ACTR3: variants seen among roughly 807,000 people sequenced by gnomAD.
ACTR3 encodes actin-related protein 3.
In ACTR3, 12 loss-of-function variants were observed where a neutral mutation model predicts 56.8. That is an observed-to-expected ratio of 0.21 (90% CI 0.14 to 0.34). The LOEUF is 0.34. Among genes scored for constraint, ACTR3 ranks in the 10% least tolerant of loss-of-function variants. ACTR3 has a pLI of 1.00. For synonymous variants in ACTR3, 162 were observed against 167.4 expected (o/e 0.97, Z 0.25); for missense variants, 282 against 512.5 (o/e 0.55, Z 4.34).
At position 113,959,704 on chromosome 2, in the gene ACTR3, A is replaced by C. The variant is rs1329000765; in HGVS notation, c.*2249A>C. 2 of 151,954 alleles carry C rather than the reference A, an allele frequency of 1.3e-5. No individual in the cohort carries two copies. The highest frequency in any genetic ancestry group is 2.9e-5 in the Non-Finnish European group (2 of 67,896). 9.4% of individuals were successfully genotyped at this position (151,954 alleles called of 1,614,324 possible). A position where few individuals can be genotyped will look rare whatever the true frequency, so the allele number is the denominator to read the frequency against. On this transcript the variant is annotated 3_prime_UTR_variant, in exon 12 of 12. Coordinates refer to ENST00000263238, the MANE Select transcript of ACTR3 (RefSeq NM_005721.5). ...CTCTGTGATTGTATACCGTTTTTTC[A>C]ACTTAAAGCAACTTCAGCTGGAAAT... is the stretch of plus-strand genomic sequence containing the variant.
intron 10 of ACTR3, chr2:113,952,960 A>C (rs1053664906): frequency 2.6e-5 from 4 of 152,152 alleles, no homozygotes; most frequent in East Asian, 1.9e-4. Flanking sequence ...TGCAAGTATA[A>C]ATTCTCTGTA....
intron 10 of ACTR3, chr2:113,952,054 T>C: frequency 1.6e-6 from 1 of 636,290 alleles, no homozygotes; most frequent in Non-Finnish European, 2.5e-6. Flanking sequence ...GGAAAATAAT[T>C]CTTAGTAATA....
At chr2:113,895,859 T>C (rs1048356314) in intron 1 of ACTR3, among the ~76,000 whole-genome samples, 5 of 152,166 alleles carry the variant, frequency 3.3e-5, no homozygotes, top group Non-Finnish European at 1.5e-5. Context: ...GTATACCTTA[T>C]AGGTTTTTTT....
chr2:113,955,643 A>C lies in ACTR3; in HGVS notation c.1098A>C (p.Gln366His). The C allele has an allele frequency of 6.2e-7, 1 of 1,613,194 alleles. No individual in the cohort carries two copies. The change falls in exon 11 of 12, where the codon CAA (glutamine) becomes CAC (histidine). Residue 366 changes from glutamine (Q) to histidine (H), a missense_variant. Physicochemically the swap from Gln to His is conservative, Grantham distance 24. Transcript: ENST00000263238. ...GRLKPKPIDV[Q>H]VITHHMQRYA... ...TTTAGCCAAAACCTATTGATGTACA[A>C]GTCATTACACACCACATGCAGCGAT...
rs112232943 is a variant in ACTR3, at chr2:113,939,273, C to T, written c.541-686C>T. On this transcript the variant is annotated intron_variant, in intron 6 of 11. Coordinates refer to ENST00000263238, the MANE Select transcript of ACTR3 (RefSeq NM_005721.5). Reference sequence around the variant, plus strand: ...TCCTGACCTCGTGATCCGCCCGTCTCGGCCTCCCAAAGTGCTGGGATTACA... The same window carrying T: ...TCCTGACCTCGTGATCCGCCCGTCTTGGCCTCCCAAAGTGCTGGGATTACA... 1.9e-3 allele frequency among the ~76,000 whole-genome samples: 295 copies of T among 152,134 alleles called. 2 individuals are homozygous for T. The highest frequency in any genetic ancestry group is 6.7e-3 in the African/African-American group (278 of 41,512).
At chr2:113,892,782 T>G (rs1351922854) in intron 1 of ACTR3, among the ~76,000 whole-genome samples, 2 of 152,156 alleles carry the variant, frequency 1.3e-5, no homozygotes, top group Non-Finnish European at 2.9e-5. Flanking sequence ...ATAACCTGAA[T>G]CAGGTTGCTC....
intron 4 of ACTR3, among the ~76,000 whole-genome samples, chr2:113,929,427 G>T (rs1425135828): frequency 3.3e-5 from 5 of 152,060 alleles, no homozygotes; most frequent in African/African-American, 9.7e-5. Flanking sequence ...GCCTGGCTTA[G>T]TTCTAGTTTT....
At chr2:113,935,448 G>A (rs1046402882) in intron 6 of ACTR3, among the ~76,000 whole-genome samples, 1 of 152,142 alleles carries the variant, frequency 6.6e-6, no homozygotes, top group African/African-American at 2.4e-5. Flanking sequence ...TTATGTAAAT[G>A]GAGTTAAACA....
chr2:113,935,842 G>A (rs1172976216), intron 6 of ACTR3, among the ~76,000 whole-genome samples: 1 of 152,128 alleles, frequency 6.6e-6, no homozygotes, highest in Non-Finnish European at 1.5e-5. Context: ...ATAATAGGTA[G>A]TGAGGCTAGG....
At chr2:113,917,716 T>C (rs1398809833) in intron 3 of ACTR3, among the ~76,000 whole-genome samples, 1 of 152,192 alleles carries the variant, frequency 6.6e-6, no homozygotes, top group Non-Finnish European at 1.5e-5. Context: ...ACAACTACCA[T>C]GTGTAAAATA....
At chr2:113,913,092 A>T (rs1434205921) in intron 1 of ACTR3, 80 bp from the exon 2 acceptor site, 1 of 969,090 alleles carries the variant, frequency 1.0e-6, no homozygotes, top group Non-Finnish European at 1.5e-6. Flanking sequence ...ATCTCACTTC[A>T]TAACAAATGA....
rs180948295 is a variant in ACTR3, at chr2:113,956,481, T to C, written c.1161+775T>C. 1.3e-3 allele frequency among the ~76,000 whole-genome samples: 197 copies of C among 152,178 alleles called. 1 individual carries two copies. The highest frequency in any genetic ancestry group is 4.6e-3 in the African/African-American group (193 of 41,552). On this transcript the variant is annotated intron_variant, in intron 11 of 11. Transcript: ENST00000263238. ...GAAAGTTCTGTTAAAACTGGTAATT[T>C]AGTCATCAGAAGGTCCTTGTTTGTT...
chr2:113,942,060 T>A, intron 7 of ACTR3, 126 bp from the exon 8 acceptor site: 1 of 759,678 alleles, frequency 1.3e-6, no homozygotes, highest in Non-Finnish European at 1.9e-6. Context: ...CCAGCTTAAT[T>A]TCCTAATTTT....
chr2:113,904,582 CTG>C (rs1679160456), intron 1 of ACTR3: 1 of 152,162 alleles, frequency 6.6e-6, no homozygotes, highest in Non-Finnish European at 1.5e-5. Context: ...GTGTGGACAA[CTG>C]TTTTTATTTT....
At chr2:113,927,048 A>G (rs1679633896) in intron 3 of ACTR3, among the ~76,000 whole-genome samples, 1 of 152,214 alleles carries the variant, frequency 6.6e-6, no homozygotes. Context: ...CTTTTATTAC[A>G]AAACTTTTAA....
At chr2:113,920,085 G>A (rs1445508991) in intron 3 of ACTR3, among the ~76,000 whole-genome samples, 4 of 152,106 alleles carry the variant, frequency 2.6e-5, no homozygotes, top group Non-Finnish European at 1.5e-5. Context: ...CACCACGCCG[G>A]ACTAATTTTT....
chr2:113,907,977 A>G (rs112149575), intron 1 of ACTR3, among the ~76,000 whole-genome samples: 1 of 106,256 alleles, frequency 9.4e-6, no homozygotes, highest in Admixed American at 9.3e-5. Context: ...TCTGTCCCCC[A>G]AAAAAAAAAA....
intron 1 of ACTR3, among the ~76,000 whole-genome samples, chr2:113,898,024 G>A (rs11681425): frequency 0.089 from 13,480 of 152,108 alleles, 642 homozygotes; most frequent in East Asian, 0.18. Flanking sequence ...GTTACAATGA[G>A]GAGGATAAAA....
At chr2:113,900,671 A>G (rs1052901346) in intron 1 of ACTR3, among the ~76,000 whole-genome samples, 8 of 152,244 alleles carry the variant, frequency 5.3e-5, no homozygotes, top group Admixed American at 5.2e-4. Context: ...CATTAGGGAT[A>G]GTCTATGATC....
Sources: allele counts gnomAD v4.1 joint callset (sites outside exome capture counted in the v4.1 genomes callset), GRCh38; gene constraint gnomAD v4.1.1; transcripts MANE v1.5; gene names NCBI Gene and HGNC (gene_info 2026-07-23, HGNC 2026-07-21).